Variants in KLF5 observed in about 807,000 individuals in gnomAD.
KLF5 encodes KLF transcription factor 5, also known as Krueppel-like factor 5.
In KLF5, 9 loss-of-function variants were observed where a neutral mutation model predicts 36.9. The observed-to-expected ratio is 0.24, with a 90% CI of 0.15 to 0.43. The LOEUF is 0.43. Ranked by LOEUF, KLF5 falls within the 20% of genes least tolerant of loss-of-function variation. The pLI is 1.00. For missense variants in KLF5, 524 were observed against 599.5 expected (o/e 0.87, Z 1.31); for synonymous variants, 246 against 241.7 (o/e 1.02, Z -0.17).
intron 3 of KLF5, among the ~76,000 whole-genome samples, chr13:73,068,444 C>T (rs1365624247): frequency 6.6e-6 from 1 of 152,162 alleles, no homozygotes. Flanking sequence ...GTGGCCCACA[C>T]CTGTAATTCT....
chr13:73,077,229 A>G lies in KLF5; in HGVS notation c.*1343A>G, dbSNP rs566173619. 69 of 152,726 alleles carry G rather than the reference A, an allele frequency of 4.5e-4. No homozygotes were observed. Among genetic ancestry groups the G allele is most frequent in the Admixed American group, 1.2e-3 (18 of 15,290 alleles). The allele number at this position is 152,726 out of a possible 1,614,324, so 9.5% of individuals were successfully genotyped here. A position where few individuals can be genotyped will look rare whatever the true frequency, so the allele number is the denominator to read the frequency against. On this transcript the variant is annotated 3_prime_UTR_variant, in exon 4 of 4. Coordinates refer to ENST00000377687, the MANE Select transcript of KLF5 (RefSeq NM_001730.5). Reference sequence around the variant, plus strand: ...ATATAGTAAGTTTTTTTAGAAGACAATTTTCATAACTTGATAAATTATAGT... The same window carrying G: ...ATATAGTAAGTTTTTTTAGAAGACAGTTTTCATAACTTGATAAATTATAGT...
chr13:73,075,391 A>G (rs1381125861), intron 3 of KLF5, among the ~76,000 whole-genome samples: 1 of 152,166 alleles, frequency 6.6e-6, no homozygotes, highest in Admixed American at 6.5e-5. Flanking sequence ...TCCTGGATTT[A>G]TGTGTGTAGG....
intron 3 of KLF5, 99 bp downstream of exon 3, chr13:73,063,982 A>G (rs1566564269): frequency 4.2e-6 from 2 of 477,522 alleles, no homozygotes; most frequent in African/African-American, 4.3e-5. Flanking sequence ...TCTCCTGTCA[A>G]CTTTGTTTTT....
At chr13:73,072,495 A>G (rs1043170234) in intron 3 of KLF5, among the ~76,000 whole-genome samples, 2 of 152,198 alleles carry the variant, frequency 1.3e-5, no homozygotes, top group Admixed American at 6.5e-5. Context: ...GACCTTCGCA[A>G]GTGGCTTTAG....
At chr13:73,067,783 G>A (rs557276861) in intron 3 of KLF5, among the ~76,000 whole-genome samples, 2 of 151,932 alleles carry the variant, frequency 1.3e-5, no homozygotes, top group Middle Eastern at 3.4e-3. Flanking sequence ...TTTGAAACAC[G>A]CCCGTAGGAG....
chr13:73,062,801 G>A lies in KLF5; in HGVS notation c.1135+67G>A, dbSNP rs151298911. ...TGTGTGTGTGTGTGTCTGTGTGCGCGCGCGTGTGCGTGTGTGCACGCGCGT... is the reference window on the plus strand; with the variant it reads ...TGTGTGTGTGTGTGTCTGTGTGCGCACGCGTGTGCGTGTGTGCACGCGCGT... On this transcript the variant is annotated intron_variant, in intron 2 of 3. Transcript: ENST00000377687. The A allele has an allele frequency of 1.6e-3, 2,260 of 1,409,312 alleles. 27 individuals are homozygous for A. In the African/African-American group the frequency reaches 0.03, roughly 19 times the overall value. The allele number at this position is 1,409,312 out of a possible 1,614,324, so 87.3% of individuals were successfully genotyped here. A position where few individuals can be genotyped will look rare whatever the true frequency, so the allele number is the denominator to read the frequency against.
At chr13:73,066,037 C>G (rs1343791595) in intron 3 of KLF5, among the ~76,000 whole-genome samples, 1 of 152,178 alleles carries the variant, frequency 6.6e-6, no homozygotes, top group Non-Finnish European at 1.5e-5. Context: ...GCTTTTTCAC[C>G]TGACCATAAA....
intron 3 of KLF5, among the ~76,000 whole-genome samples, chr13:73,068,029 C>T (rs1167231291): frequency 3.3e-5 from 5 of 151,516 alleles, no homozygotes; most frequent in Non-Finnish European, 7.4e-5. Context: ...TTAGTGGAGA[C>T]GGGGTTTCAC....
At chr13:73,064,202 A>G (rs1170668326) in intron 3 of KLF5, among the ~76,000 whole-genome samples, 1 of 151,572 alleles carries the variant, frequency 6.6e-6, no homozygotes, top group Non-Finnish European at 1.5e-5. Context: ...GAAGGAAAAA[A>G]AACAAAACAA....
Position 73,062,272 on chromosome 13 carries a change from C to A in KLF5, c.673C>A (p.Gln225Lys), listed in dbSNP as rs1250439217. 2 of 1,614,004 alleles carry A rather than the reference C, an allele frequency of 1.2e-6. No individual in the cohort carries two copies. Among genetic ancestry groups the A allele is most frequent in the African/African-American group, 2.7e-5 (2 of 74,908 alleles). ...TCTTCATCTTTCTGTCCCTACCCAG[C>A]AGGGCCACCTGTACCAGCTACTGAA... ...PDLHLSVPTQ[Q>K]GHLYQLLNTP... Residue 225 changes from glutamine to lysine, a missense_variant, in exon 2 of 4, where the codon CAG becomes AAG. Coordinates refer to ENST00000377687, the MANE Select transcript of KLF5 (RefSeq NM_001730.5).
At position 73,076,400 on chromosome 13, in the gene KLF5, CAT is replaced by C. The variant is rs1191460630; in HGVS notation, c.*519_*520del. On this transcript the variant is annotated 3_prime_UTR_variant, in exon 4 of 4. Coordinates refer to ENST00000377687, the MANE Select transcript of KLF5 (RefSeq NM_001730.5). ...TGTGTGGGTTTTTAAAAATTATATACATATATGAGTTGCCTATATTTGCTATT... is the reference window on the plus strand; with the variant it reads ...TGTGTGGGTTTTTAAAAATTATATACATATGAGTTGCCTATATTTGCTATT... The C allele has an allele frequency of 1.3e-5, 2 of 152,600 alleles. No individual in the cohort carries two copies. Among genetic ancestry groups the C allele is most frequent in the Admixed American group, 6.6e-5 (1 of 15,264 alleles). 9.5% of individuals were successfully genotyped at this position (152,600 alleles called of 1,614,324 possible). A position where few individuals can be genotyped will look rare whatever the true frequency, so the allele number is the denominator to read the frequency against.
chr13:73,070,099 C>G (rs893436690), intron 3 of KLF5, among the ~76,000 whole-genome samples: 9 of 152,122 alleles, frequency 5.9e-5, no homozygotes, highest in African/African-American at 2.2e-4. Flanking sequence ...TATTTATATT[C>G]AAGGATCTCA....
chr13:73,062,327 C>G lies in KLF5; in HGVS notation c.728C>G (p.Thr243Arg). ...NTPDLDMPSS[T>R]NQTAAMDTLN... ...CCGGATCTAGATATGCCCAGTTCTACAAATCAGACAGCAGCAATGGACACT... is the reference window on the plus strand; with the variant it reads ...CCGGATCTAGATATGCCCAGTTCTAGAAATCAGACAGCAGCAATGGACACT... Residue 243 changes from threonine (T) to arginine (R), a missense_variant, in exon 2 of 4, where the codon ACA becomes AGA. Physicochemically the swap from Thr to Arg is moderately conservative, Grantham distance 71. Coordinates refer to ENST00000377687, the MANE Select transcript of KLF5 (RefSeq NM_001730.5). 6 of 1,614,222 alleles carry G rather than the reference C, an allele frequency of 3.7e-6. No individual in the cohort carries two copies. The highest frequency in any genetic ancestry group is 5.1e-6 in the Non-Finnish European group (6 of 1,180,038).
intron 3 of KLF5, among the ~76,000 whole-genome samples, chr13:73,068,410 A>G (rs991491759): frequency 6.6e-6 from 1 of 152,070 alleles, no homozygotes; most frequent in African/African-American, 2.4e-5. Flanking sequence ...TTAGATATGA[A>G]TTTCTTTTCT....
intron 1 of KLF5, 107 bp downstream of exon 1, chr13:73,059,695 G>A: frequency 1.0e-6 from 1 of 992,178 alleles, no homozygotes; most frequent in Non-Finnish European, 1.2e-6. Flanking sequence ...GCGTGCGTCG[G>A]GGCGCACCGG....
intron 3 of KLF5, among the ~76,000 whole-genome samples, chr13:73,066,107 T>C (rs1192001504): frequency 2.0e-5 from 3 of 152,222 alleles, no homozygotes; most frequent in Non-Finnish European, 4.4e-5. Flanking sequence ...TAAAGTTTTG[T>C]TTGATAGTCT....
At chr13:73,064,959 G>A (rs766097047) in intron 3 of KLF5, among the ~76,000 whole-genome samples, 4 of 152,148 alleles carry the variant, frequency 2.6e-5, no homozygotes, top group African/African-American at 4.8e-5. Context: ...TATATAGATG[G>A]TTACTATTTG....
chr13:73,062,514 A>G lies in KLF5; in HGVS notation c.915A>G (p.Pro305=). The change falls in exon 2 of 4, where the codon CCA becomes CCG. Residue 305 remains proline, a synonymous_variant. Coordinates refer to ENST00000377687, the MANE Select transcript of KLF5 (RefSeq NM_001730.5). ...QQATYFPPSP[P]SSEPGSPDRQ... Reference sequence around the variant, plus strand: ...CCACTTACTTTCCCCCGTCACCACCAAGCTCAGAGCCTGGAAGTCCAGATA... The same window carrying G: ...CCACTTACTTTCCCCCGTCACCACCGAGCTCAGAGCCTGGAAGTCCAGATA... The G allele has an allele frequency of 1.2e-6, 2 of 1,614,194 alleles. No individual in the cohort carries two copies. Among genetic ancestry groups the G allele is most frequent in the Non-Finnish European group, 1.7e-6 (2 of 1,180,018 alleles).
intron 3 of KLF5, among the ~76,000 whole-genome samples, chr13:73,071,912 A>G (rs1033331699): frequency 6.6e-6 from 1 of 152,246 alleles, no homozygotes; most frequent in Non-Finnish European, 1.5e-5. Flanking sequence ...CAAGGCATTT[A>G]GTACAGGTTA....
Sources: allele counts gnomAD v4.1 joint callset (sites outside exome capture counted in the v4.1 genomes callset), GRCh38; gene constraint gnomAD v4.1.1; transcripts MANE v1.5; gene names NCBI Gene and HGNC (gene_info 2026-07-23, HGNC 2026-07-21).